NXPH1: variants seen among roughly 807,000 people sequenced by gnomAD.
The protein encoded by NXPH1 is neurexophilin-1.
Under a neutral mutation model 23.7 loss-of-function variants are expected in NXPH1, and 5 were observed. The observed-to-expected ratio is 0.21, with a 90% CI of 0.11 to 0.44. The LOEUF (loss-of-function observed/expected upper bound fraction) is 0.44. Among genes scored for constraint, NXPH1 ranks in the 20% least tolerant of loss-of-function variants. The pLI, the probability that NXPH1 is intolerant of heterozygous loss-of-function variation, is 0.99. For synonymous variants in NXPH1, 144 were observed against 122.2 expected, an observed-to-expected ratio of 1.18 and a Z score of -1.18; for missense variants, 324 against 321.6, an observed-to-expected ratio of 1.01 and a Z score of -0.06.
chr7:8,502,248 G>A (rs547437768), intron 2 of NXPH1, among the ~76,000 whole-genome samples: 2 of 152,022 alleles, frequency 1.3e-5, no homozygotes, highest in African/African-American at 4.8e-5. Flanking sequence ...AGATTTTATT[G>A]TACTAAGATG....
intron 2 of NXPH1, among the ~76,000 whole-genome samples, chr7:8,617,073 G>C (rs1819759989): frequency 6.6e-6 from 1 of 151,908 alleles, no homozygotes; most frequent in African/African-American, 2.4e-5. Context: ...AATACTTTTT[G>C]TCATTACAAT....
intron 2 of NXPH1, among the ~76,000 whole-genome samples, chr7:8,711,077 T>C (rs1356346670): frequency 6.6e-6 from 1 of 152,240 alleles, no homozygotes; most frequent in Non-Finnish European, 1.5e-5. Context: ...TATGGCAACA[T>C]AACTTTCAAG....
chr7:8,744,478 C>G (rs886911228), intron 2 of NXPH1, among the ~76,000 whole-genome samples: 8 of 152,156 alleles, frequency 5.3e-5, no homozygotes, highest in African/African-American at 1.9e-4. Context: ...TCAACTGGCT[C>G]CTCTTCTGCC....
chr7:8,633,728 TC>T (rs1171681083), intron 2 of NXPH1, among the ~76,000 whole-genome samples: 1 of 152,224 alleles, frequency 6.6e-6, no homozygotes, highest in Non-Finnish European at 1.5e-5. Flanking sequence ...AGCCCATGGT[TC>T]ATCAAGCTGA....
At position 8,633,340 on chromosome 7, in the gene NXPH1, A is replaced by G. The variant is rs142323879; in HGVS notation, c.55-117668A>G. Among the ~76,000 whole-genome samples, 1,295 of 152,314 alleles carry G rather than the reference A, an allele frequency of 8.5e-3. 20 individuals are homozygous for G. Among genetic ancestry groups the G allele is most frequent in the African/African-American group, 0.029 (1,213 of 41,586 alleles). On this transcript the variant is annotated intron_variant, in intron 2 of 2. Transcript: ENST00000405863. ...CTACTCAGGAGGCTGAGGCAGGGGA[A>G]TCACTTGAACCCAGGAGGCGGAGAT...
intron 2 of NXPH1, among the ~76,000 whole-genome samples, chr7:8,749,845 G>A (rs1382380349): frequency 6.6e-6 from 1 of 152,190 alleles, no homozygotes; most frequent in Admixed American, 6.5e-5. Flanking sequence ...AGTTCTGTTA[G>A]CTCCTGTCCT....
intron 2 of NXPH1, among the ~76,000 whole-genome samples, chr7:8,535,938 G>C (rs1037727470): frequency 3.9e-5 from 6 of 151,934 alleles, no homozygotes; most frequent in African/African-American, 1.4e-4. Flanking sequence ...ATCCCACCCA[G>C]GTATCTCCTT....
Position 8,620,152 on chromosome 7 carries a change from G to A in NXPH1, c.55-130856G>A, listed in dbSNP as rs188467456. Among the ~76,000 whole-genome samples the A allele has an allele frequency of 1.4e-4, 19 of 137,818 alleles. No homozygotes were observed. In the East Asian group the frequency reaches 3.3e-3, roughly 24 times the overall value. 90.4% of individuals were successfully genotyped at this position (137,818 alleles called of 152,430 possible). On this transcript the variant is annotated intron_variant, in intron 2 of 2. Transcript: ENST00000405863. ...ACTACTATTATCTTCTGTGTACCTC[G>A]ACATTGAAAAAACACAGAAGCACAG...
rs552257638 is a variant in NXPH1, at chr7:8,506,272, G to C, written c.54+70505G>C. On this transcript the variant is annotated intron_variant, in intron 2 of 2. Transcript: ENST00000405863. ...AAGGAATTCTGTTACTCCAAGGGAA[G>C]ACCAAAGAGTCAAAGACCCAAGTTT... is the stretch of plus-strand genomic sequence containing the variant. Among the ~76,000 whole-genome samples, 7 of 152,188 alleles carry C rather than the reference G, an allele frequency of 4.6e-5. No homozygotes were observed. The South Asian group carries it at 1.5e-3, about 32-fold the overall frequency.
intron 2 of NXPH1, among the ~76,000 whole-genome samples, chr7:8,485,210 G>A (rs1817139074): frequency 6.6e-6 from 1 of 152,146 alleles, no homozygotes; most frequent in African/African-American, 2.4e-5. Context: ...TTATAAAAGG[G>A]CAGTTCCCCT....
At chr7:8,517,020 C>T (rs1817697343) in intron 2 of NXPH1, among the ~76,000 whole-genome samples, 1 of 152,096 alleles carries the variant, frequency 6.6e-6, no homozygotes, top group Admixed American at 6.6e-5. Flanking sequence ...AAATTATAAA[C>T]AAACATTAAT....
At chr7:8,664,439 C>T (rs771850455) in intron 2 of NXPH1, among the ~76,000 whole-genome samples, 1 of 152,038 alleles carries the variant, frequency 6.6e-6, no homozygotes, top group African/African-American at 2.4e-5. Flanking sequence ...TTCTGCTTTG[C>T]CTTGACTGGC....
intron 2 of NXPH1, among the ~76,000 whole-genome samples, chr7:8,663,537 C>G (rs1417739209): frequency 6.6e-6 from 1 of 152,064 alleles, no homozygotes; most frequent in Non-Finnish European, 1.5e-5. Flanking sequence ...CTAAAGCCGG[C>G]TTCTGTTCCA....
chr7:8,685,337 A>G (rs1424434801), intron 2 of NXPH1, among the ~76,000 whole-genome samples: 1 of 151,798 alleles, frequency 6.6e-6, no homozygotes, highest in African/African-American at 2.4e-5. Flanking sequence ...GATCCCACAG[A>G]TAAGTGAGAA....
rs186212470 is a variant in NXPH1, at chr7:8,731,962, A to G, written c.55-19046A>G. Among the ~76,000 whole-genome samples, 53 of 152,222 alleles carry G rather than the reference A, an allele frequency of 3.5e-4. 1 individual carries two copies. The Middle Eastern group carries it at 0.017, about 49-fold the overall frequency. On this transcript the variant is annotated intron_variant, in intron 2 of 2. Coordinates refer to ENST00000405863, the MANE Select transcript of NXPH1 (RefSeq NM_152745.3). ...GGCCTTGCTGCTGCCTTGCAGTTTG[A>G]TCTCAGACTGCTGTGCTAGCAATCA...
chr7:8,543,434 T>G (rs1818149326), intron 2 of NXPH1, among the ~76,000 whole-genome samples: 1 of 151,638 alleles, frequency 6.6e-6, no homozygotes, highest in Admixed American at 6.6e-5. Context: ...CTCTTGTTAA[T>G]TAATTTTGTA....
intron 2 of NXPH1, among the ~76,000 whole-genome samples, chr7:8,503,712 C>G (rs1000963867): frequency 1.3e-5 from 2 of 151,944 alleles, no homozygotes; most frequent in Non-Finnish European, 2.9e-5. Context: ...TTTCTGCTAT[C>G]TTGCCACACT....
chr7:8,462,221 G>A (rs1816707691), intron 2 of NXPH1, among the ~76,000 whole-genome samples: 1 of 152,118 alleles, frequency 6.6e-6, no homozygotes, highest in African/African-American at 2.4e-5. Context: ...GCTAATTTTT[G>A]TATTTTTAGT....
chr7:8,662,541 T>A (rs1276469699), intron 2 of NXPH1, among the ~76,000 whole-genome samples: 3 of 152,126 alleles, frequency 2.0e-5, no homozygotes, highest in Non-Finnish European at 2.9e-5. Context: ...AATTTAATAT[T>A]TTACTTTTAT....
Sources: allele counts gnomAD v4.1 joint callset (sites outside exome capture counted in the v4.1 genomes callset), GRCh38; gene constraint gnomAD v4.1.1; transcripts MANE v1.5; gene names NCBI Gene and HGNC (gene_info 2026-07-23, HGNC 2026-07-21).